The following DGKZ variants were observed in gnomAD, a reference collection of about 807,000 sequenced individuals.
DGKZ encodes the protein DAG kinase zeta.
DGKZ carries 45 observed loss-of-function variants against 142.5 expected under a neutral mutation model. That is an observed-to-expected ratio of 0.32 (90% CI 0.25 to 0.40). The LOEUF (loss-of-function observed/expected upper bound fraction) is 0.40, where lower values mean the gene tolerates loss of function less well. Ranked by LOEUF, DGKZ falls within the 10% of genes least tolerant of loss-of-function variation. The probability of loss-of-function intolerance (pLI) is 1.00; values close to 1 mark genes in which losing one functional copy is unlikely to be tolerated. For synonymous variants in DGKZ, 442 were observed against 527.0 expected (o/e 0.84, Z 2.21); for missense variants, 755 against 1,306.5 (o/e 0.58, Z 6.51).
upstream of DGKZ, among the ~76,000 whole-genome samples, chr11:46,342,960 C>T (rs762957100): frequency 1.3e-5 from 2 of 152,080 alleles, no homozygotes; most frequent in African/African-American, 4.8e-5. Context: ...TCCGTCTCTA[C>T]TAAAAATACA....
At chr11:46,375,770 G>A in intron 20 of DGKZ, 81 bp from the exon 21 acceptor site, 1 of 1,522,632 alleles carries the variant, frequency 6.6e-7, no homozygotes, top group Non-Finnish European at 8.9e-7. Context: ...CCTTCTCTCG[G>A]CAAGTGGTTT....
intron 22 of DGKZ, 75 bp from the exon 23 acceptor site, chr11:46,376,253 G>A (rs1013631753): frequency 2.5e-6 from 4 of 1,607,954 alleles, no homozygotes; most frequent in African/African-American, 1.3e-5. Context: ...CTCTGTGCTG[G>A]TTCCCCCTAC....
intron 14 of DGKZ, 67 bp from the exon 15 acceptor site, chr11:46,374,090 C>T (rs1053493571): frequency 5.2e-5 from 82 of 1,564,240 alleles, no homozygotes; most frequent in Non-Finnish European, 7.0e-5. Flanking sequence ...CTCGGCCACA[C>T]GAGGCCCCTG....
Position 46,367,796 on chromosome 11 carries a change from C to A in DGKZ, c.366+49C>A. On this transcript the variant is annotated intron_variant, in intron 3 of 30. Transcript: ENST00000527911. The surrounding 1 kb of genome is among the most constrained non-coding windows in gnomAD (Gnocchi z 4.1). ...GCCCCCTGCTGGTGGAGCCAGTAGC[C>A]GCAGCCCTTCCGGGAACGTGGGATT... 6.2e-7 allele frequency: 1 copy of A among 1,606,114 alleles called. No individual in the cohort carries two copies. Among genetic ancestry groups the A allele is most frequent in the African/African-American group, 1.3e-5 (1 of 74,922 alleles).
intron 1 of DGKZ, among the ~76,000 whole-genome samples, chr11:46,360,718 G>A (rs1001611159): frequency 5.3e-5 from 8 of 152,214 alleles, no homozygotes; most frequent in South Asian, 2.1e-4. Flanking sequence ...CCCGGGAGGC[G>A]GAGGTTGCAG....
chr11:46,378,046 C>T, intron 25 of DGKZ, 152 bp from the exon 26 acceptor site: 1 of 950,160 alleles, frequency 1.1e-6, no homozygotes, highest in Non-Finnish European at 1.6e-6. Context: ...TCTCGTTTCC[C>T]TGCTGTATCC....
intron 6 of DGKZ, among the ~76,000 whole-genome samples, chr11:46,370,994 A>C (rs1004830933): frequency 6.6e-6 from 1 of 152,130 alleles, no homozygotes; most frequent in African/African-American, 2.4e-5. Context: ...CTGAGACAAG[A>C]GAATCGCTTG....
At chr11:46,371,929 T>G in intron 9 of DGKZ, 146 bp from the exon 10 acceptor site, 1 of 1,229,328 alleles carries the variant, frequency 8.1e-7, no homozygotes, top group Non-Finnish European at 1.2e-6. Context: ...GATGCCAGTT[T>G]CTGCTCTGTG....
chr11:46,359,583 TTTTATA>T (rs1942406385), intron 1 of DGKZ, among the ~76,000 whole-genome samples: 1 of 151,896 alleles, frequency 6.6e-6, no homozygotes. Flanking sequence ...ATTGACGTGG[TTTTATA>T]TTTATATTTA....
At position 46,372,620 on chromosome 11, in the gene DGKZ, G is replaced by A. The variant is rs1590602435; in HGVS notation, c.1014G>A (p.Leu338=). The A allele has an allele frequency of 6.2e-7, 1 of 1,613,802 alleles. No individual in the cohort carries two copies. Among genetic ancestry groups the A allele is most frequent in the Non-Finnish European group, 8.5e-7 (1 of 1,180,014 alleles). The change falls in exon 12 of 31, where the codon CTG becomes CTA. Residue 338 remains leucine, a synonymous_variant. Transcript: ENST00000527911. This position sits in a 1 kb window ranked among gnomAD's most constrained non-coding sequence, Gnocchi z 5.9. ...TGCCATCTTCCCATGAGCCCAGGCT[G>A]GAGATGTACCGCAAAGTGCACAACC...
In DGKZ at chr11:46,367,651, G is replaced by T; in HGVS notation, c.271-1G>T. Reference sequence around the variant, plus strand: ...GCTGAGCAAGCCCATCCCGTGGCTAGGAGTCAGCGACATATGGGGAGCACA... The same window carrying T: ...GCTGAGCAAGCCCATCCCGTGGCTATGAGTCAGCGACATATGGGGAGCACA... On this transcript the variant is annotated splice_acceptor_variant, in intron 2 of 30. Coordinates refer to ENST00000527911, the Ensembl canonical transcript of DGKZ. LOFTEE classifies it high-confidence loss of function. The surrounding 1 kb of genome is among the most constrained non-coding windows in gnomAD (Gnocchi z 4.1). The T allele has an allele frequency of 6.3e-7, 1 of 1,597,332 alleles. No homozygotes were observed.
intron 1 of DGKZ, among the ~76,000 whole-genome samples, chr11:46,355,142 A>G (rs1941846330): frequency 6.6e-6 from 1 of 151,602 alleles, no homozygotes; most frequent in African/African-American, 2.4e-5. Flanking sequence ...ACAGAGTCTC[A>G]CTCTCGCCCA....
intron 20 of DGKZ, 54 bp downstream of exon 20, chr11:46,375,685 C>A: frequency 6.6e-7 from 1 of 1,520,186 alleles, no homozygotes; most frequent in Non-Finnish European, 8.8e-7. Context: ...CCTGCCCTCT[C>A]TGGGCCTTGA....
intron 1 of DGKZ, among the ~76,000 whole-genome samples, chr11:46,352,926 C>T (rs1298795090): frequency 6.6e-6 from 1 of 152,244 alleles, no homozygotes; most frequent in East Asian, 1.9e-4. Flanking sequence ...TAACCAAATG[C>T]CCTGGAAGAG....
exon 4 of DGKZ, chr11:46,368,052 C>T: frequency 6.2e-7 from 1 of 1,614,084 alleles, no homozygotes; most frequent in Non-Finnish European, 8.5e-7. Flanking sequence ...TTGTGGTGCA[C>T]ACGCCCTGCA....
At chr11:46,362,411 G>C (rs1267715451) in intron 1 of DGKZ, among the ~76,000 whole-genome samples, 1 of 152,146 alleles carries the variant, frequency 6.6e-6, no homozygotes, top group Admixed American at 6.5e-5. Context: ...TGGCCACCCT[G>C]GGCACTCCTG....
intron 1 of DGKZ, among the ~76,000 whole-genome samples, chr11:46,339,859 G>A (rs1297484291): frequency 1.3e-5 from 2 of 152,242 alleles, no homozygotes; most frequent in Non-Finnish European, 2.9e-5. Flanking sequence ...CCAGGGACAA[G>A]GGTTAGTACC....
At position 46,367,937 on chromosome 11, in the gene DGKZ, G is replaced by A; in HGVS notation, c.367-65G>A. 1 of 1,582,228 alleles carries A rather than the reference G, an allele frequency of 6.3e-7. No homozygotes were observed. The highest frequency in any genetic ancestry group is 1.3e-5 in the African/African-American group (1 of 74,354). On this transcript the variant is annotated intron_variant, in intron 3 of 30. Transcript: ENST00000527911. This position sits in a 1 kb window ranked among gnomAD's most constrained non-coding sequence, Gnocchi z 4.1. Reference sequence around the variant, plus strand: ...AGTGCACACAAAGGGCAGCTGTGCTGGGGCAGGCAGCCTCCGAGATAGACT... The same window carrying A: ...AGTGCACACAAAGGGCAGCTGTGCTAGGGCAGGCAGCCTCCGAGATAGACT...
chr11:46,364,294 ATT>A, intron 1 of DGKZ: 1 of 1,135,810 alleles, frequency 8.8e-7, no homozygotes, highest in Middle Eastern at 2.3e-4. Flanking sequence ...TGCAGTACCT[ATT>A]CCTTGGGGTT....
Sources: allele counts gnomAD v4.1 joint callset (sites outside exome capture counted in the v4.1 genomes callset), GRCh38; gene constraint gnomAD v4.1.1; non-coding constraint Gnocchi (gnomAD v3.1); transcripts MANE v1.5; gene names NCBI Gene and HGNC (gene_info 2026-07-23, HGNC 2026-07-21).